EYS: variants seen among roughly 807,000 people sequenced by gnomAD.
The protein encoded by EYS is EGF-like photoreceptor maintenance factor, also known as protein eyes shut homolog.
In EYS, 250 loss-of-function variants were observed where a neutral mutation model predicts 282.1. The observed-to-expected ratio is 0.89, with a 90% confidence interval of 0.80 to 0.98. EYS has a LOEUF of 0.98. EYS is among the 50% of genes least tolerant of loss of function. The probability of loss-of-function intolerance (pLI) is 0.00; values close to 1 mark genes in which losing one functional copy is unlikely to be tolerated. For synonymous variants in EYS, 1,355 were observed against 1,282.9 expected (o/e 1.06, Z -1.20); for missense variants, 4,016 against 3,709.0 (o/e 1.08, Z -2.15).
intron 22 of EYS, among the ~76,000 whole-genome samples, chr6:64,670,168 T>C (rs902220436): frequency 1.1e-4 from 17 of 152,062 alleles, no homozygotes; most frequent in African/African-American, 3.9e-4. Flanking sequence ...TAAAACTCCC[T>C]CCTGTCATGA....
chr6:65,670,166 C>T (rs899044313), intron 1 of EYS, among the ~76,000 whole-genome samples: 4 of 151,984 alleles, frequency 2.6e-5, no homozygotes, highest in African/African-American at 9.7e-5. Context: ...TCTCTCTGTC[C>T]TCTAGTTTAG....
At chr6:64,994,903 C>G (rs1413252345) in intron 14 of EYS, among the ~76,000 whole-genome samples, 3 of 152,096 alleles carry the variant, frequency 2.0e-5, no homozygotes, top group African/African-American at 7.2e-5. Flanking sequence ...AGGGCTCAAG[C>G]CTACATATAT....
chr6:65,269,703 G>A (rs998280684), intron 12 of EYS, among the ~76,000 whole-genome samples: 2 of 152,118 alleles, frequency 1.3e-5, no homozygotes, highest in Non-Finnish European at 2.9e-5. Context: ...GGATGGTGGG[G>A]ATCTGGTGAG....
chr6:64,378,741 A>T (rs1772646980), intron 29 of EYS, among the ~76,000 whole-genome samples: 1 of 152,196 alleles, frequency 6.6e-6, no homozygotes, highest in Non-Finnish European at 1.5e-5. Flanking sequence ...GGGAGCTAGG[A>T]ATCCAACTCC....
intron 4 of EYS, among the ~76,000 whole-genome samples, 155 bp downstream of exon 4, chr6:65,494,508 C>G (rs1766162855): frequency 6.6e-6 from 1 of 151,962 alleles, no homozygotes; most frequent in African/African-American, 2.4e-5. Context: ...GTCTCGCTCT[C>G]CTGACCTCGT....
At chr6:63,818,920 G>A (rs932994000) in intron 36 of EYS, among the ~76,000 whole-genome samples, 3 of 152,236 alleles carry the variant, frequency 2.0e-5, no homozygotes, top group Admixed American at 1.3e-4. Context: ...CAAGTGAGTT[G>A]TCTCCTTCCA....
intron 36 of EYS, among the ~76,000 whole-genome samples, chr6:63,844,384 C>T (rs1480411710): frequency 6.6e-6 from 1 of 152,166 alleles, no homozygotes; most frequent in Admixed American, 6.6e-5. Context: ...AATTGGATTG[C>T]TGGCTCAAAT....
chr6:64,719,538 C>T (rs34833872), intron 22 of EYS, among the ~76,000 whole-genome samples: 9,125 of 152,196 alleles, frequency 0.06, 351 homozygotes, highest in Non-Finnish European at 0.09. Context: ...AGAAAAATTC[C>T]TGAGAGAGAA....
chr6:63,799,021 A>ATATT (rs1554170394), intron 37 of EYS, among the ~76,000 whole-genome samples: 1 of 106,994 alleles, frequency 9.3e-6, no homozygotes, highest in Admixed American at 9.8e-5. Flanking sequence ...ATATATATAT[A>ATATT]ATTTTTTTTT....
At chr6:63,783,099 G>C (rs536303453) in intron 39 of EYS, among the ~76,000 whole-genome samples, 1 of 152,010 alleles carries the variant, frequency 6.6e-6, no homozygotes, top group Non-Finnish European at 1.5e-5. Context: ...AGTACTGACC[G>C]TGTTGGCTAT....
chr6:64,369,936 C>G (rs898067522), intron 29 of EYS, among the ~76,000 whole-genome samples: 1 of 151,904 alleles, frequency 6.6e-6, no homozygotes, highest in Non-Finnish European at 1.5e-5. Flanking sequence ...AGGGCAGAGA[C>G]TATGGAGTTT....
intron 2 of EYS, among the ~76,000 whole-genome samples, chr6:65,546,809 G>T (rs1768408309): frequency 6.6e-6 from 1 of 152,002 alleles, no homozygotes; most frequent in African/African-American, 2.4e-5. Flanking sequence ...GACCTCAAGT[G>T]ATCTACCCAC....
chr6:65,026,683 C>T (rs962410928), intron 13 of EYS, among the ~76,000 whole-genome samples: 20 of 151,972 alleles, frequency 1.3e-4, no homozygotes, highest in South Asian at 2.1e-4. Flanking sequence ...TTTGGGAGGC[C>T]GAGACAGGCA....
At chr6:65,362,097 A>G in intron 8 of EYS, among the ~76,000 whole-genome samples, 1 of 152,136 alleles carries the variant, frequency 6.6e-6, no homozygotes, top group East Asian at 1.9e-4. Flanking sequence ...TTTCAAAAGT[A>G]TTACTACAAG....
chr6:65,501,846 G>A (rs899686079), intron 2 of EYS, among the ~76,000 whole-genome samples: 5 of 151,542 alleles, frequency 3.3e-5, no homozygotes, highest in Middle Eastern at 3.5e-3. Context: ...TATCTAGAGG[G>A]TGAAAATATT....
intron 31 of EYS, among the ~76,000 whole-genome samples, chr6:64,160,191 T>C (rs1470910079): frequency 2.6e-5 from 4 of 152,198 alleles, no homozygotes; most frequent in Non-Finnish European, 2.9e-5. Flanking sequence ...ATGGCCTTAT[T>C]TTCTAATCAC....
intron 12 of EYS, among the ~76,000 whole-genome samples, chr6:65,115,165 G>A (rs1249681318): frequency 1.3e-5 from 2 of 151,958 alleles, no homozygotes; most frequent in African/African-American, 2.4e-5. Flanking sequence ...TTATCAGGCT[G>A]ATCAAAATAT....
At chr6:64,658,836 G>A (rs547618730) in intron 22 of EYS, among the ~76,000 whole-genome samples, 24 of 152,334 alleles carry the variant, frequency 1.6e-4, no homozygotes, top group African/African-American at 5.8e-4. Context: ...CAACGAGACA[G>A]AAAGGTAACA....
In EYS at chr6:65,396,863, A is replaced by G. The variant is rs138915661; in HGVS notation, c.1184+5615T>C. On this transcript the variant is annotated intron_variant, in intron 7 of 42. Transcript: ENST00000503581. Reference sequence around the variant, plus strand: ...AACCTATTCTATTTTTTCTTCTATTACAATTCATTTAACATCTGCCATCCT... The same window carrying G: ...AACCTATTCTATTTTTTCTTCTATTGCAATTCATTTAACATCTGCCATCCT... Among the ~76,000 whole-genome samples the G allele has an allele frequency of 5.3e-5, 8 of 151,974 alleles. No individual in the cohort carries two copies. In the East Asian group the frequency reaches 1.2e-3, roughly 22 times the overall value.
Sources: gnomAD v4.1 joint callset for allele counts (sites outside exome capture counted in the v4.1 genomes callset) on GRCh38, gnomAD v4.1.1 for gene constraint, MANE v1.5 for transcripts, NCBI Gene and HGNC (gene_info 2026-07-23, HGNC 2026-07-21) for gene names.